SEZ6L: variants seen among roughly 807,000 people sequenced by gnomAD.
SEZ6L encodes the protein seizure 6-like protein.
In SEZ6L, 37 loss-of-function variants were observed where a neutral mutation model predicts 106.2. That is an observed-to-expected ratio of 0.35 (90% CI 0.27 to 0.46). The LOEUF (loss-of-function observed/expected upper bound fraction) is 0.46, where lower values mean the gene tolerates loss of function less well. SEZ6L is among the 20% of genes least tolerant of loss of function. The pLI is 1.00. For missense variants in SEZ6L, 1,172 were observed against 1,332.8 expected, an observed-to-expected ratio of 0.88 and a Z score of 1.88; for synonymous variants, 541 against 570.4, an observed-to-expected ratio of 0.95 and a Z score of 0.73.
intron 9 of SEZ6L, 103 bp downstream of exon 9, chr22:26,314,005 T>C (rs539789342): frequency 4.2e-4 from 522 of 1,237,578 alleles, no homozygotes; most frequent in Non-Finnish European, 5.7e-4. Context: ...ACTAAGCATC[T>C]ACTATGTGCC....
At chr22:26,373,317 A>G (rs2084103928) in intron 13 of SEZ6L, 134 bp from the exon 14 acceptor site, 2 of 714,426 alleles carry the variant, frequency 2.8e-6, no homozygotes, top group Non-Finnish European at 2.4e-6. Flanking sequence ...ATAGTGGCCC[A>G]AGATAAGTAA....
intron 1 of SEZ6L, among the ~76,000 whole-genome samples, chr22:26,228,839 C>T (rs562970804): frequency 5.3e-5 from 8 of 152,268 alleles, no homozygotes; most frequent in African/African-American, 1.4e-4. Context: ...ACCCATCTGG[C>T]CTCTTTGTTA....
chr22:26,355,201 C>T (rs2083403601), intron 12 of SEZ6L, among the ~76,000 whole-genome samples: 1 of 152,250 alleles, frequency 6.6e-6, no homozygotes, highest in Admixed American at 6.5e-5. Flanking sequence ...GGAAATCGCA[C>T]AGGTGAATGC....
Position 26,169,655 on chromosome 22 carries a change from C to T in SEZ6L, c.-15C>T. On this transcript the variant is annotated 5_prime_UTR_variant, in exon 1 of 17. Transcript: ENST00000248933. ...CCGCCCCACAGCCAGCGGCTCCGCGCCCCCTGCAGCCACGATGCCCGCGGC... is the reference window on the plus strand; with the variant it reads ...CCGCCCCACAGCCAGCGGCTCCGCGTCCCCTGCAGCCACGATGCCCGCGGC... 2 of 1,143,264 alleles carry T rather than the reference C, an allele frequency of 1.7e-6. No homozygotes were observed. Among genetic ancestry groups the T allele is most frequent in the Non-Finnish European group, 2.3e-6 (2 of 868,672 alleles). The allele number at this position is 1,143,264 out of a possible 1,614,324, so 70.8% of individuals were successfully genotyped here. A position where few individuals can be genotyped will look rare whatever the true frequency, so the allele number is the denominator to read the frequency against.
At chr22:26,331,760 A>G (rs1384715077) in intron 9 of SEZ6L, among the ~76,000 whole-genome samples, 1 of 152,208 alleles carries the variant, frequency 6.6e-6, no homozygotes, top group Non-Finnish European at 1.5e-5. Flanking sequence ...AGGCAGGTGG[A>G]TCACCTGAGG....
rs113259339 is a variant in SEZ6L at position 26,227,282 on chromosome 22, A to G, written c.94+57519A>G. 4.0e-5 allele frequency among the ~76,000 whole-genome samples: 6 copies of G among 148,702 alleles called. 1 individual carries two copies. Among genetic ancestry groups the G allele is most frequent in the African/African-American group, 7.3e-5 (3 of 41,196 alleles). ...TCTGAGCCCCAATTTCCTCAAGCAT[A>G]AAAACTGGATGATAACATCCCAAGG... On this transcript the variant is annotated intron_variant, in intron 1 of 16. Transcript: ENST00000248933.
At position 26,276,588 on chromosome 22, in the gene SEZ6L, T is replaced by C. The variant is rs549510150; in HGVS notation, c.95-15818T>C. On this transcript the variant is annotated intron_variant, in intron 1 of 16. Transcript: ENST00000248933. ...GAAGTATAGCATATAGGTAATTGAATGCAGATCGATTTCCCACCCTGAGCT... is the reference window on the plus strand; with the variant it reads ...GAAGTATAGCATATAGGTAATTGAACGCAGATCGATTTCCCACCCTGAGCT... 3.3e-5 allele frequency among the ~76,000 whole-genome samples: 5 copies of C among 152,376 alleles called. No homozygotes were observed. The East Asian group carries it at 9.6e-4, about 29-fold the overall frequency.
chr22:26,174,013 C>T (rs528055264), intron 1 of SEZ6L, among the ~76,000 whole-genome samples: 3 of 152,276 alleles, frequency 2.0e-5, no homozygotes, highest in South Asian at 2.1e-4. Flanking sequence ...TATAGCACTA[C>T]GCATGCGGTA....
chr22:26,180,757 A>G (rs540862251), intron 1 of SEZ6L, among the ~76,000 whole-genome samples: 12 of 152,350 alleles, frequency 7.9e-5, no homozygotes, highest in Non-Finnish European at 1.3e-4. Context: ...CCCTTTTCCC[A>G]TGAGAGATTC....
Position 26,280,825 on chromosome 22 carries a change from G to A in SEZ6L, c.95-11581G>A, listed in dbSNP as rs117891303. Among the ~76,000 whole-genome samples, 65 of 152,252 alleles carry A rather than the reference G, an allele frequency of 4.3e-4. 3 individuals are homozygous for A. The East Asian group carries it at 0.013, about 29-fold the overall frequency. ...TTTATCACATACAACATGATGTTTT[G>A]AAATATGCAGGCATCGTGGAATGGC... On this transcript the variant is annotated intron_variant, in intron 1 of 16. Coordinates refer to ENST00000248933, the MANE Select transcript of SEZ6L (RefSeq NM_021115.5).
rs200858250 is a variant in SEZ6L, at chr22:26,348,513, A to AGAAGGAAGGAAG, written c.2407+638_2407+649dup. Among the ~76,000 whole-genome samples, 116 of 33,164 alleles carry AGAAGGAAGGAAG rather than the reference A, an allele frequency of 3.5e-3. 4 individuals are homozygous for AGAAGGAAGGAAG. Among genetic ancestry groups the AGAAGGAAGGAAG allele is most frequent in the African/African-American group, 0.013 (66 of 5,128 alleles). The allele number at this position is 33,164 out of a possible 152,430, so 21.8% of individuals were successfully genotyped here. A position where few individuals can be genotyped will look rare whatever the true frequency, so the allele number is the denominator to read the frequency against. ...GTTGAGAGGGGTGGCTGGGAGAGAGAGAAGGAAGGAAGGAAGGAAGGAAGG... is the reference window on the plus strand; with the variant it reads ...GTTGAGAGGGGTGGCTGGGAGAGAGAGAAGGAAGGAAGGAAGGAAGGAAGGAAGGAAGGAAGG... On this transcript the variant is annotated intron_variant, in intron 11 of 16. Coordinates refer to ENST00000248933, the MANE Select transcript of SEZ6L (RefSeq NM_021115.5).
At chr22:26,348,576 A>AGGG (rs2083098005) in intron 11 of SEZ6L, among the ~76,000 whole-genome samples, 1 of 99,956 alleles carries the variant, frequency 1.0e-5, no homozygotes, top group African/African-American at 5.3e-5. Flanking sequence ...GAAAGAAAGA[A>AGGG]AGAAAGAAAG....
intron 9 of SEZ6L, among the ~76,000 whole-genome samples, chr22:26,315,884 C>T (rs1026272782): frequency 6.6e-6 from 1 of 151,712 alleles, no homozygotes; most frequent in African/African-American, 2.4e-5. Flanking sequence ...ATAGTGAGAC[C>T]CCATCTTTAC....
At chr22:26,367,262 T>G (rs1474401746) in intron 13 of SEZ6L, among the ~76,000 whole-genome samples, 3 of 152,122 alleles carry the variant, frequency 2.0e-5, no homozygotes, top group African/African-American at 7.2e-5. Context: ...TCCGTACACT[T>G]CTCGCCCTAG....
chr22:26,220,228 T>C (rs1387055785), intron 1 of SEZ6L, among the ~76,000 whole-genome samples: 2 of 152,198 alleles, frequency 1.3e-5, no homozygotes, highest in Admixed American at 1.3e-4. Context: ...ACATTGATCA[T>C]TGAACAAATA....
rs118160575 is a variant in SEZ6L at position 26,312,902 on chromosome 22, C to G, written c.1877-862C>G. The stretch of plus-strand genomic sequence containing the variant: ...CCATATTCAAGGCTGCTGAGCCACC[C>G]TGAGCCTGGGTCTCCTGCTGGCATG... On this transcript the variant is annotated intron_variant, in intron 8 of 16. Transcript: ENST00000248933. Among the ~76,000 whole-genome samples, 378 of 152,340 alleles carry G rather than the reference C, an allele frequency of 2.5e-3. 8 individuals carry two copies. In the East Asian group the frequency reaches 0.059, roughly 24 times the overall value.
intron 13 of SEZ6L, among the ~76,000 whole-genome samples, chr22:26,369,416 T>A (rs2083940828): frequency 7.0e-6 from 1 of 143,180 alleles, no homozygotes; most frequent in Non-Finnish European, 1.5e-5. Flanking sequence ...CTCGGCTCAC[T>A]GCAAGCTCCG....
chr22:26,170,737 T>C (rs867746032), intron 1 of SEZ6L, among the ~76,000 whole-genome samples: 1 of 152,218 alleles, frequency 6.6e-6, no homozygotes, highest in Admixed American at 6.5e-5. Context: ...CGAAAATCAA[T>C]GGGAGGGTTA....
intron 1 of SEZ6L, among the ~76,000 whole-genome samples, chr22:26,245,895 C>G (rs1193977360): frequency 6.6e-6 from 1 of 152,132 alleles, no homozygotes; most frequent in Non-Finnish European, 1.5e-5. Context: ...TATTATAACA[C>G]CTATGTTGCT....
Sources: allele counts gnomAD v4.1 joint callset (sites outside exome capture counted in the v4.1 genomes callset), GRCh38; gene constraint gnomAD v4.1.1; transcripts MANE v1.5; gene names NCBI Gene and HGNC (gene_info 2026-07-23, HGNC 2026-07-21).